The following CYP3A43 variants were observed in gnomAD, a reference collection of about 807,000 sequenced individuals.
CYP3A43 encodes the protein cytochrome P450 3A43.
A neutral mutation model predicts 58.0 loss-of-function variants in CYP3A43; 45 were observed. The ratio of observed to expected loss-of-function variants is 0.78; its 90% CI spans 0.61 to 0.99. CYP3A43 has a LOEUF of 0.99. Among genes scored for constraint, CYP3A43 ranks in the 50% least tolerant of loss-of-function variants. The pLI, the probability that CYP3A43 is intolerant of heterozygous loss-of-function variation, is 0.00. For synonymous variants in CYP3A43, 191 were observed against 201.4 expected, an observed-to-expected ratio of 0.95 and a Z score of 0.44; for missense variants, 593 against 591.9, an observed-to-expected ratio of 1.00 and a Z score of -0.02.
In CYP3A43 at chr7:99,849,716, TTCTC is replaced by T. The variant is rs45550031; in HGVS notation, c.670+39_670+42del. 965 of 1,494,190 alleles carry T rather than the reference TTCTC, an allele frequency of 6.5e-4. 1 individual carries two copies. The highest frequency in any genetic ancestry group is 1.6e-3 in the African/African-American group (105 of 67,462). 92.6% of individuals were successfully genotyped at this position (1,494,190 alleles called of 1,614,324 possible). ...ATATGTATGTGGACTTTTATGTTAT[TTCTC>T]TCTCTCTCTCTCTCTCATCTAATTT... On this transcript the variant is annotated intron_variant, in intron 7 of 12. Transcript: ENST00000354829.
chr7:99,856,163 C>T (rs1256970568), intron 8 of CYP3A43, among the ~76,000 whole-genome samples: 1 of 152,192 alleles, frequency 6.6e-6, no homozygotes, highest in Non-Finnish European at 1.5e-5. Flanking sequence ...AGCAGGAGTC[C>T]CTACCAGGCT....
chr7:99,857,925 A>G (rs921939763), intron 9 of CYP3A43, among the ~76,000 whole-genome samples: 4 of 152,102 alleles, frequency 2.6e-5, no homozygotes, highest in Admixed American at 6.6e-5. Flanking sequence ...AAATATATCT[A>G]TGTCTTCATC....
rs1282417820 is a variant in CYP3A43 at position 99,864,529 on chromosome 7, T to C, written c.1416+830T>C. Among the ~76,000 whole-genome samples the C allele has an allele frequency of 1.3e-5, 2 of 148,922 alleles. 1 individual carries two copies. Among genetic ancestry groups the C allele is most frequent in the African/African-American group, 5.2e-5 (2 of 38,304 alleles). ...TATTCTTCTGCTTTGTTACTGTTTA[T>C]TGCAGGCTGTTATCATCACCTAATC... On this transcript the variant is annotated intron_variant, in intron 12 of 12. Coordinates refer to ENST00000354829, the MANE Select transcript of CYP3A43 (RefSeq NM_057095.3).
chr7:99,864,560 C>A (rs1818374974), intron 12 of CYP3A43, among the ~76,000 whole-genome samples: 1 of 148,718 alleles, frequency 6.7e-6, no homozygotes, highest in Admixed American at 6.6e-5. Flanking sequence ...TAATCTTATA[C>A]TTTTCATTAA....
chr7:99,851,419 G>C (rs1817755391), intron 7 of CYP3A43, among the ~76,000 whole-genome samples: 1 of 152,142 alleles, frequency 6.6e-6, no homozygotes, highest in Non-Finnish European at 1.5e-5. Context: ...ATTTTACCAG[G>C]AGCATATAAT....
rs150654722 is a variant in CYP3A43, at chr7:99,844,347, G to A, written c.318+105G>A. On this transcript the variant is annotated intron_variant, in intron 4 of 12. Coordinates refer to ENST00000354829, the MANE Select transcript of CYP3A43 (RefSeq NM_057095.3). ...TGGACAGGAAAGTGCTTTATACTTCGTCCTATTTCCCCCAATGGTGATGTC... is the reference window on the plus strand; with the variant it reads ...TGGACAGGAAAGTGCTTTATACTTCATCCTATTTCCCCCAATGGTGATGTC... 175 of 1,051,108 alleles carry A rather than the reference G, an allele frequency of 1.7e-4. 2 individuals carry two copies. In the East Asian group the frequency reaches 4.3e-3, roughly 26 times the overall value. 65.1% of individuals were successfully genotyped at this position (1,051,108 alleles called of 1,614,324 possible).
chr7:99,859,749 C>A (rs1818147511), intron 9 of CYP3A43, 81 bp from the exon 10 acceptor site: 1 of 1,567,828 alleles, frequency 6.4e-7, no homozygotes, highest in Non-Finnish European at 8.7e-7. Flanking sequence ...GATTTGGGAG[C>A]TTCACTGGAA....
intron 5 of CYP3A43, 31 bp from the exon 6 acceptor site, chr7:99,848,135 G>T: frequency 1.2e-6 from 2 of 1,608,174 alleles, no homozygotes; most frequent in Non-Finnish European, 1.7e-6. Flanking sequence ...TCGAGTCTGC[G>T]TAGTTAACTA....
At chr7:99,862,561 T>C (rs1217913699) in intron 11 of CYP3A43, among the ~76,000 whole-genome samples, 1 of 152,190 alleles carries the variant, frequency 6.6e-6, no homozygotes, top group Non-Finnish European at 1.5e-5. Flanking sequence ...TCCTTGGAAG[T>C]GTTGGGCATG....
chr7:99,862,791 ACT>A (rs1307997983), intron 11 of CYP3A43, among the ~76,000 whole-genome samples: 1 of 152,026 alleles, frequency 6.6e-6, no homozygotes, highest in African/African-American at 2.4e-5. Flanking sequence ...GCTGGCACAG[ACT>A]CTGTACATAA....
intron 4 of CYP3A43, among the ~76,000 whole-genome samples, chr7:99,844,983 C>T (rs986646700): frequency 6.6e-6 from 1 of 151,314 alleles, no homozygotes; most frequent in Non-Finnish European, 1.5e-5. Flanking sequence ...GCAGCAAAAT[C>T]GCTTGAACCC....
At chr7:99,840,838 C>T (rs1817302251) in intron 3 of CYP3A43, among the ~76,000 whole-genome samples, 1 of 152,184 alleles carries the variant, frequency 6.6e-6, no homozygotes, top group African/African-American at 2.4e-5. Context: ...ATGGGATTCA[C>T]TGAGGGCAGT....
Position 99,848,351 on chromosome 7 carries a change from G to A in CYP3A43, c.521+97G>A, listed in dbSNP as rs28669087. ...CCACTGTTGGGTTACTCCAGTGATC[G>A]GACAAAAGCAGGGCTGTGGTGTTGC... On this transcript the variant is annotated intron_variant, in intron 6 of 12. Transcript: ENST00000354829. 5.2e-3 allele frequency: 6,774 copies of A among 1,314,736 alleles called. 278 individuals carry two copies. In the African/African-American group the frequency reaches 0.086, roughly 17 times the overall value. The allele number at this position is 1,314,736 out of a possible 1,614,324, so 81.4% of individuals were successfully genotyped here. A position where few individuals can be genotyped will look rare whatever the true frequency, so the allele number is the denominator to read the frequency against.
chr7:99,838,391 G>C (rs1817179548), intron 2 of CYP3A43, among the ~76,000 whole-genome samples: 2 of 152,184 alleles, frequency 1.3e-5, no homozygotes, highest in African/African-American at 4.8e-5. Flanking sequence ...AAATGAAAAG[G>C]ATGCTGAACA....
intron 1 of CYP3A43, among the ~76,000 whole-genome samples, chr7:99,828,547 G>C (rs1332890026): frequency 6.6e-6 from 1 of 152,048 alleles, no homozygotes; most frequent in Non-Finnish European, 1.5e-5. Context: ...TGTAATCCCA[G>C]CTACTTGGGA....
At position 99,836,919 on chromosome 7, in the gene CYP3A43, G is replaced by A. The variant is rs375780583; in HGVS notation, c.165+373G>A. On this transcript the variant is annotated intron_variant, in intron 2 of 12. Coordinates refer to ENST00000354829, the MANE Select transcript of CYP3A43 (RefSeq NM_057095.3). Reference sequence around the variant, plus strand: ...ATGGGGAAATGGGAGCCCCAGTAGCGCTCATTAGCATCATGTACCACATTC... The same window carrying A: ...ATGGGGAAATGGGAGCCCCAGTAGCACTCATTAGCATCATGTACCACATTC... Among the ~76,000 whole-genome samples, 23 of 152,128 alleles carry A rather than the reference G, an allele frequency of 1.5e-4. No individual in the cohort carries two copies. The East Asian group carries it at 1.5e-3, about 10-fold the overall frequency.
chr7:99,853,900 G>C (rs1563068915), intron 7 of CYP3A43, among the ~76,000 whole-genome samples: 1 of 152,098 alleles, frequency 6.6e-6, no homozygotes, highest in East Asian at 1.9e-4. Flanking sequence ...TACACAGTTG[G>C]TGTATGCATT....
At chr7:99,845,879 G>A (rs1817526710) in intron 4 of CYP3A43, among the ~76,000 whole-genome samples, 2 of 151,758 alleles carry the variant, frequency 1.3e-5, no homozygotes, top group South Asian at 4.2e-4. Context: ...TGGTTCAAGC[G>A]ATTCTCCTGC....
chr7:99,855,943 AT>A (rs1817961396), intron 8 of CYP3A43, among the ~76,000 whole-genome samples: 1 of 152,232 alleles, frequency 6.6e-6, no homozygotes, highest in Non-Finnish European at 1.5e-5. Context: ...ACTTTAGTAT[AT>A]TATGGCATAA....
Sources: allele counts gnomAD v4.1 joint callset (sites outside exome capture counted in the v4.1 genomes callset), GRCh38; gene constraint gnomAD v4.1.1; transcripts MANE v1.5; gene names NCBI Gene and HGNC (gene_info 2026-07-23, HGNC 2026-07-21).